ABCC8: variants seen among roughly 807,000 people sequenced by gnomAD.
The protein encoded by ABCC8 is ATP-binding cassette sub-family C member 8.
A neutral mutation model predicts 188.0 loss-of-function variants in ABCC8; 137 were observed. The ratio of observed to expected loss-of-function variants is 0.73; its 90% CI spans 0.63 to 0.84. The LOEUF is 0.84. ABCC8 is among the 40% of genes least tolerant of loss of function. ABCC8 has a pLI of 0.00. For missense variants in ABCC8, 1,750 were observed against 2,072.7 expected (o/e 0.84, Z 3.02); for synonymous variants, 797 against 846.5 (o/e 0.94, Z 1.01).
chr11:17,436,361 G>T (rs1956095844), intron 10 of ABCC8, among the ~76,000 whole-genome samples: 1 of 152,152 alleles, frequency 6.6e-6, no homozygotes, highest in African/African-American at 2.4e-5. Flanking sequence ...GGGTAAGACA[G>T]GAAGGCAGGG....
chr11:17,411,980 C>T (rs1954829857), intron 21 of ABCC8, among the ~76,000 whole-genome samples: 1 of 151,332 alleles, frequency 6.6e-6, no homozygotes, highest in African/African-American at 2.4e-5. Context: ...GCAAGCTCCG[C>T]CTCCCGGGTT....
intron 16 of ABCC8, among the ~76,000 whole-genome samples, chr11:17,424,493 C>T (rs892322616): frequency 1.3e-5 from 2 of 152,144 alleles, no homozygotes; most frequent in Non-Finnish European, 2.9e-5. Flanking sequence ...GCAGAGCAGA[C>T]CCCTGCCAAT....
intron 8 of ABCC8, among the ~76,000 whole-genome samples, chr11:17,443,729 T>G (rs546301136): frequency 6.6e-6 from 1 of 152,220 alleles, no homozygotes; most frequent in Non-Finnish European, 1.5e-5. Flanking sequence ...GCAAAGTTAC[T>G]GCACCCATGC....
At chr11:17,394,574 G>T in intron 36 of ABCC8, 175 bp from the exon 37 acceptor site, 2 of 769,012 alleles carry the variant, frequency 2.6e-6, no homozygotes, top group Non-Finnish European at 3.2e-6. Context: ...ACAATGTGGA[G>T]GCCGTCTGCA....
At chr11:17,435,404 A>AAT (rs2133567059) in intron 10 of ABCC8, among the ~76,000 whole-genome samples, 1 of 152,342 alleles carries the variant, frequency 6.6e-6, no homozygotes, top group South Asian at 2.1e-4. Flanking sequence ...ATGGAGACAG[A>AAT]ATAACCACTT....
chr11:17,474,399 G>A (rs1198292680), intron 2 of ABCC8, among the ~76,000 whole-genome samples: 1 of 152,128 alleles, frequency 6.6e-6, no homozygotes. Flanking sequence ...AGGCCCAAAC[G>A]GAAGGTGGGC....
intron 16 of ABCC8, among the ~76,000 whole-genome samples, chr11:17,425,797 T>C (rs1189031344): frequency 6.6e-6 from 1 of 152,180 alleles, no homozygotes; most frequent in African/African-American, 2.4e-5. Context: ...CAACCCTTCA[T>C]CTACATTAAG....
intron 18 of ABCC8, 104 bp from the exon 19 acceptor site, chr11:17,414,714 G>C (rs777763369): frequency 1.9e-6 from 3 of 1,572,302 alleles, no homozygotes; most frequent in Non-Finnish European, 2.6e-6. Context: ...CAAGGGGATG[G>C]GGAGGTGCAG....
intron 35 of ABCC8, 105 bp downstream of exon 35, chr11:17,395,505 C>A (rs1564874044): frequency 1.3e-6 from 2 of 1,490,554 alleles, no homozygotes; most frequent in Middle Eastern, 1.7e-4. Flanking sequence ...GCAGGAAACA[C>A]CTCTGGGATC....
intron 36 of ABCC8, chr11:17,394,946 G>T (rs1000257802): frequency 1.2e-5 from 7 of 604,700 alleles, no homozygotes; most frequent in South Asian, 3.9e-5. Flanking sequence ...GACTGTACCC[G>T]CTGTACCCTG....
At chr11:17,413,531 C>A (rs1286400289) in intron 19 of ABCC8, 53 bp from the exon 20 acceptor site, 2 of 1,612,498 alleles carry the variant, frequency 1.2e-6, no homozygotes, top group Non-Finnish European at 1.7e-6. Context: ...CAGAGTTGGC[C>A]CGAGCACTTG....
chr11:17,397,654 C>T (rs1383983898), intron 31 of ABCC8, 30 bp downstream of exon 31: 9 of 1,605,552 alleles, frequency 5.6e-6, no homozygotes, highest in South Asian at 1.1e-5. Context: ...GTGTCTGACC[C>T]CTCCTCTGCC....
At chr11:17,431,154 AGCTGGAGAGCAGGG>A in intron 11 of ABCC8, 195 bp from the exon 12 acceptor site, 1 of 868,888 alleles carries the variant, frequency 1.2e-6, no homozygotes, top group Non-Finnish European at 1.7e-6. Flanking sequence ...CAGGACTTCA[AGCTGGAGAGCAGGG>A]GCTGCTCCCT....
chr11:17,410,329 A>G (rs1954748990), intron 22 of ABCC8, 187 bp downstream of exon 22: 2 of 658,698 alleles, frequency 3.0e-6, no homozygotes, highest in South Asian at 3.9e-5. Context: ...TCTAGGTGAT[A>G]CCAAACCCCT....
rs75218493 is a variant in ABCC8, at chr11:17,395,928, G to A, written c.4122C>T (p.Ile1374=). The change falls in exon 34 of 39, where the codon ATC becomes ATT. Residue 1374 remains isoleucine, a splice_region_variant and synonymous_variant. Coordinates refer to ENST00000389817, the MANE Select transcript of ABCC8 (RefSeq NM_000352.6). ...VNALIAPGQK[I]GICGRTGSGK... ...CACTGCCGGTGCGGCCGCAGATCCC[G>A]ATCTGGAAAGAGAGAAGCAGGCACC... is the stretch of plus-strand genomic sequence containing the variant. 22 of 1,577,332 alleles carry A rather than the reference G, an allele frequency of 1.4e-5. No individual in the cohort carries two copies. The East Asian group carries it at 3.7e-4, about 26-fold the overall frequency.
In ABCC8 at chr11:17,413,411, T is replaced by C. The variant is rs1161386079; in HGVS notation, c.2458A>G (p.Thr820Ala). The change falls in exon 20 of 39, where the codon ACC (threonine) becomes GCC (alanine). Residue 820 changes from threonine (T) to alanine (A), a missense_variant. By Grantham distance (58) the Thr-to-Ala change is moderately conservative (BLOSUM62 0). Transcript: ENST00000389817. ...CTACTAACCCGTTCCCCAATCTGGG[T>C]CTGGTCTCCATGGGGCAGGATGTCG... ...DIDILPHGDQ[T>A]QIGERGINLS... 6.2e-7 allele frequency: 1 copy of C among 1,614,094 alleles called. No homozygotes were observed. The highest frequency in any genetic ancestry group is 2.2e-5 in the East Asian group (1 of 44,874).
chr11:17,463,179 A>G (rs930124704), intron 4 of ABCC8, among the ~76,000 whole-genome samples: 2 of 152,120 alleles, frequency 1.3e-5, no homozygotes, highest in African/African-American at 4.8e-5. Context: ...CTTTCTACGG[A>G]AAGTCATCCG....
chr11:17,439,217 G>A (rs1956218461), intron 10 of ABCC8, among the ~76,000 whole-genome samples: 1 of 149,746 alleles, frequency 6.7e-6, no homozygotes, highest in African/African-American at 2.6e-5. Context: ...GAGAAACTGT[G>A]CCCATTCATT....
intron 10 of ABCC8, 22 bp from the exon 11 acceptor site, chr11:17,432,266 G>T: frequency 6.4e-7 from 1 of 1,551,948 alleles, no homozygotes; most frequent in South Asian, 1.2e-5. Flanking sequence ...GCACAGGGAG[G>T]CGTTTAGTGG....
Sources: gnomAD v4.1 joint callset for allele counts (sites outside exome capture counted in the v4.1 genomes callset) on GRCh38, gnomAD v4.1.1 for gene constraint, MANE v1.5 for transcripts, NCBI Gene and HGNC (gene_info 2026-07-23, HGNC 2026-07-21) for gene names.